ADGRV1: variants seen among roughly 807,000 people sequenced by gnomAD.
ADGRV1 encodes the protein G-protein coupled receptor 98.
In ADGRV1, 359 loss-of-function variants were observed where a neutral mutation model predicts 596.2. The ratio of observed to expected loss-of-function variants is 0.60; its 90% CI spans 0.55 to 0.66. The LOEUF (loss-of-function observed/expected upper bound fraction) is 0.66. Ranked by LOEUF, ADGRV1 falls within the 30% of genes least tolerant of loss-of-function variation. The pLI, the probability that ADGRV1 is intolerant of heterozygous loss-of-function variation, is 0.00. For missense variants in ADGRV1, 7,274 were observed against 7,575.6 expected, an observed-to-expected ratio of 0.96 and a Z score of 1.48; for synonymous variants, 2,681 against 2,679.2, an observed-to-expected ratio of 1.00 and a Z score of -0.02.
chr5:91,057,688 A>G (rs1044324722), intron 85 of ADGRV1, among the ~76,000 whole-genome samples: 1 of 152,216 alleles, frequency 6.6e-6, no homozygotes, highest in Non-Finnish European at 1.5e-5. Context: ...AACTGAAGCC[A>G]ATTTTTTTTG....
At chr5:90,745,453 T>G in intron 51 of ADGRV1, 138 bp from the exon 52 acceptor site, 1 of 741,846 alleles carries the variant, frequency 1.3e-6, no homozygotes, top group Non-Finnish European at 2.1e-6. Flanking sequence ...TACATGAATA[T>G]TTTGGATTAA....
intron 83 of ADGRV1, among the ~76,000 whole-genome samples, chr5:90,876,985 G>A (rs926233799): frequency 2.6e-5 from 4 of 152,180 alleles, no homozygotes; most frequent in African/African-American, 9.7e-5. Context: ...GAAGTAAATA[G>A]ATGAATACAG....
At chr5:90,714,831 A>G (rs937209389) in intron 42 of ADGRV1, among the ~76,000 whole-genome samples, 2 of 152,046 alleles carry the variant, frequency 1.3e-5, no homozygotes, top group Non-Finnish European at 1.5e-5. Flanking sequence ...TGCTAATAGC[A>G]TACTGCTTTA....
chr5:91,016,022 T>C (rs1210767358), intron 85 of ADGRV1, among the ~76,000 whole-genome samples: 3 of 152,002 alleles, frequency 2.0e-5, no homozygotes, highest in Non-Finnish European at 4.4e-5. Context: ...CTCTATTTAG[T>C]GCTCCTTTCA....
chr5:90,839,407 G>A (rs1765244428), intron 77 of ADGRV1, among the ~76,000 whole-genome samples: 1 of 152,022 alleles, frequency 6.6e-6, no homozygotes, highest in Non-Finnish European at 1.5e-5. Flanking sequence ...GTAGAGATGG[G>A]GTTTCACCGT....
At chr5:91,078,549 A>G (rs1789050268) in intron 86 of ADGRV1, among the ~76,000 whole-genome samples, 1 of 152,186 alleles carries the variant, frequency 6.6e-6, no homozygotes, top group African/African-American at 2.4e-5. Context: ...CTTTTTCATA[A>G]TGGGCCTAGA....
At chr5:90,894,614 G>A (rs925493781) in intron 83 of ADGRV1, among the ~76,000 whole-genome samples, 6 of 152,152 alleles carry the variant, frequency 3.9e-5, no homozygotes, top group East Asian at 1.9e-4. Flanking sequence ...AGCAGTCACC[G>A]ACTCTGCAAG....
chr5:90,757,932 G>A (rs920602209), intron 57 of ADGRV1, among the ~76,000 whole-genome samples: 5 of 152,030 alleles, frequency 3.3e-5, no homozygotes, highest in East Asian at 1.9e-4. Flanking sequence ...CATGGGGGGC[G>A]GTAGTAAATG....
intron 11 of ADGRV1, among the ~76,000 whole-genome samples, chr5:90,640,086 A>T (rs556206998): frequency 2.0e-5 from 3 of 152,320 alleles, no homozygotes; most frequent in African/African-American, 7.2e-5. Flanking sequence ...CAATGTCATT[A>T]TGCCAGTTTA....
chr5:90,612,725 A>G (rs1762865162), intron 1 of ADGRV1, among the ~76,000 whole-genome samples: 1 of 152,088 alleles, frequency 6.6e-6, no homozygotes, highest in South Asian at 2.1e-4. Flanking sequence ...CGAATGCACA[A>G]AATCTTAAAA....
intron 15 of ADGRV1, among the ~76,000 whole-genome samples, chr5:90,645,103 A>G (rs143185822): frequency 3.3e-5 from 5 of 152,356 alleles, no homozygotes; most frequent in African/African-American, 1.2e-4. Flanking sequence ...TGTATCCAGT[A>G]TCAGGGATTC....
chr5:90,973,002 A>C lies in ADGRV1; in HGVS notation c.17973+7471A>C, dbSNP rs531284010. ...AGAGAAGAATCAAATAGATGCAATA[A>C]AAATTAATAAAGGGGATATCACCAC... On this transcript the variant is annotated intron_variant, in intron 84 of 89. Coordinates refer to ENST00000405460, the MANE Select transcript of ADGRV1 (RefSeq NM_032119.4). Among the ~76,000 whole-genome samples, 4 of 152,344 alleles carry C rather than the reference A, an allele frequency of 2.6e-5. No individual in the cohort carries two copies. In the East Asian group the frequency reaches 7.7e-4, roughly 29 times the overall value.
intron 50 of ADGRV1, among the ~76,000 whole-genome samples, chr5:90,739,148 T>G (rs1753636672): frequency 6.6e-6 from 1 of 152,048 alleles, no homozygotes; most frequent in African/African-American, 2.4e-5. Flanking sequence ...CTGTTTGTTT[T>G]TTTGTTTGTT....
chr5:91,140,519 G>A (rs901902507), intron 87 of ADGRV1, among the ~76,000 whole-genome samples: 2 of 152,036 alleles, frequency 1.3e-5, no homozygotes, highest in African/African-American at 4.8e-5. Context: ...CCTATTGAAA[G>A]ACAATACCAA....
chr5:90,705,641 G>A lies in ADGRV1; in HGVS notation c.8566+62G>A, dbSNP rs1024761003. The A allele has an allele frequency of 1.5e-5, 20 of 1,320,460 alleles. No homozygotes were observed. In the East Asian group the frequency reaches 2.8e-4, roughly 18 times the overall value. 81.8% of individuals were successfully genotyped at this position (1,320,460 alleles called of 1,614,324 possible). A position where few individuals can be genotyped will look rare whatever the true frequency, so the allele number is the denominator to read the frequency against. On this transcript the variant is annotated intron_variant, in intron 37 of 89. Transcript: ENST00000405460. ...AAGTGCTTATTAATATTCTACTTGT[G>A]TGGATGAAAGCCATTGCTAAAATAA...
At position 90,863,824 on chromosome 5, in the gene ADGRV1, G is replaced by A. The variant is rs372680044; in HGVS notation, c.17823G>A (p.Leu5941=). 2.4e-5 allele frequency: 39 copies of A among 1,613,250 alleles called. No homozygotes were observed. Among genetic ancestry groups the A allele is most frequent in the Non-Finnish European group, 2.9e-5 (34 of 1,179,432 alleles). Reference sequence around the variant, plus strand: ...ACTCCATGTTTGCAGCTAAACTTCTGACTCACATGATGGCAGCCAGCTTAG... The same window carrying A: ...ACTCCATGTTTGCAGCTAAACTTCTAACTCACATGATGGCAGCCAGCTTAG... ...ARYSMFAAKL[L]THMMAASLGT... The change falls in exon 83 of 90, where the codon CTG becomes CTA. Residue 5941 remains leucine, a synonymous_variant. Coordinates refer to ENST00000405460, the MANE Select transcript of ADGRV1 (RefSeq NM_032119.4).
chr5:90,771,737 T>G (rs987034216), intron 59 of ADGRV1, among the ~76,000 whole-genome samples: 1 of 152,212 alleles, frequency 6.6e-6, no homozygotes, highest in Non-Finnish European at 1.5e-5. Context: ...TGCTCTGCAC[T>G]GCTATTCAGC....
chr5:90,757,605 T>A (rs1007544469), intron 57 of ADGRV1, among the ~76,000 whole-genome samples: 4 of 152,158 alleles, frequency 2.6e-5, no homozygotes, highest in African/African-American at 9.7e-5. Flanking sequence ...ATGCCCTTTA[T>A]AATTAAAAAA....
At chr5:91,110,496 G>C (rs1792274228) in intron 87 of ADGRV1, among the ~76,000 whole-genome samples, 1 of 152,098 alleles carries the variant, frequency 6.6e-6, no homozygotes, top group African/African-American at 2.4e-5. Context: ...ATCACTCCTA[G>C]CTCTAATTAT....
Sources: allele counts gnomAD v4.1 joint callset (sites outside exome capture counted in the v4.1 genomes callset), GRCh38; gene constraint gnomAD v4.1.1; transcripts MANE v1.5; gene names NCBI Gene and HGNC (gene_info 2026-07-23, HGNC 2026-07-21).